SAMD5: variants seen among roughly 807,000 people sequenced by gnomAD.
SAMD5 encodes sterile alpha motif domain-containing protein 5.
A neutral mutation model predicts 11.3 loss-of-function variants in SAMD5; 13 were observed. The ratio of observed to expected loss-of-function variants is 1.15; its 90% CI spans 0.75 to 1.83. The LOEUF (loss-of-function observed/expected upper bound fraction) is 1.83. Ranked by LOEUF, SAMD5 falls within the 40% of genes most tolerant of loss-of-function variation. The pLI is 0.00. For missense variants in SAMD5, 255 were observed against 239.1 expected, an observed-to-expected ratio of 1.07 and a Z score of -0.44; for synonymous variants, 129 against 111.3, an observed-to-expected ratio of 1.16 and a Z score of -1.00.
the SAMD5 span, among the ~76,000 whole-genome samples, chr6:147,951,328 C>T: frequency 7.9e-5 from 12 of 151,984 alleles, no homozygotes; most frequent in Admixed American, 1.3e-4. Context: ...ACTACAGGAG[C>T]CCACCAACAC....
chr6:147,610,952 C>A (rs1313143223), intron 1 of SAMD5, among the ~76,000 whole-genome samples: 1 of 151,666 alleles, frequency 6.6e-6, no homozygotes, highest in East Asian at 1.9e-4. Flanking sequence ...TTACTGCAAC[C>A]TCCGCCTCCC....
the SAMD5 span, among the ~76,000 whole-genome samples, chr6:147,748,222 C>G: frequency 6.6e-6 from 1 of 152,190 alleles, no homozygotes. Context: ...AAAGATGTCC[C>G]TTACTCAAGG....
intron 1 of SAMD5, among the ~76,000 whole-genome samples, chr6:147,518,424 A>C (rs1382210878): frequency 6.6e-6 from 1 of 152,222 alleles, no homozygotes. Flanking sequence ...ATGAAAAATA[A>C]GGTAGAAATA....
the SAMD5 span, among the ~76,000 whole-genome samples, chr6:147,830,251 C>CTTTTTTTTTT: frequency 6.8e-4 from 58 of 84,928 alleles, 1 homozygote; most frequent in African/African-American, 8.9e-4. Flanking sequence ...TTCTTTCTTT[C>CTTTTTTTTTT]TTTTTTTTTT....
the SAMD5 span, among the ~76,000 whole-genome samples, chr6:147,886,214 AC>A: frequency 6.6e-6 from 1 of 152,162 alleles, no homozygotes; most frequent in Non-Finnish European, 1.5e-5. Context: ...TTCAATCTAT[AC>A]ACTCAGCTCT....
At chr6:147,603,302 C>G (rs561906272) in intron 1 of SAMD5, among the ~76,000 whole-genome samples, 2 of 152,208 alleles carry the variant, frequency 1.3e-5, no homozygotes, top group East Asian at 3.9e-4. Flanking sequence ...ATTTTCAGTG[C>G]CCTATACAAT....
chr6:147,913,682 C>T, the SAMD5 span, among the ~76,000 whole-genome samples: 10 of 152,072 alleles, frequency 6.6e-5, no homozygotes, highest in African/African-American at 9.6e-5. Flanking sequence ...GGTGACAGAG[C>T]GAGACTCTGT....
At chr6:147,877,888 T>C in the SAMD5 span, among the ~76,000 whole-genome samples, 413 of 42,986 alleles carry the variant, frequency 9.6e-3, no homozygotes, top group African/African-American at 0.027. Context: ...ACACGATAGA[T>C]AGATAGCTAG....
rs184732626 is a variant in SAMD5 at position 147,577,101 on chromosome 6, C to A, written c.162+67714C>A. Among the ~76,000 whole-genome samples, 774 of 152,324 alleles carry A rather than the reference C, an allele frequency of 5.1e-3. 4 individuals are homozygous for A. The highest frequency in any genetic ancestry group is 0.012 in the Admixed American group (181 of 15,304). On this transcript the variant is annotated intron_variant, in intron 1 of 1. Coordinates refer to the SAMD5 transcript ENST00000566741. Reference sequence around the variant, plus strand: ...AATGCCCAGGATTTCCTACTGCCTGCAAATCTTCTCCTTCATGCCTAAATT... The same window carrying A: ...AATGCCCAGGATTTCCTACTGCCTGAAAATCTTCTCCTTCATGCCTAAATT...
the SAMD5 span, among the ~76,000 whole-genome samples, chr6:147,827,219 C>G: frequency 1.3e-5 from 2 of 152,084 alleles, no homozygotes; most frequent in Non-Finnish European, 2.9e-5. Flanking sequence ...TGAGGTCAGG[C>G]TTCTGCCAGC....
At chr6:147,826,963 T>C in the SAMD5 span, among the ~76,000 whole-genome samples, 16 of 152,144 alleles carry the variant, frequency 1.1e-4, no homozygotes, top group Admixed American at 5.2e-4. Flanking sequence ...ATGGGTACTA[T>C]TATGAATGTC....
the SAMD5 span, among the ~76,000 whole-genome samples, chr6:147,783,459 T>C: frequency 6.8e-3 from 1,034 of 152,024 alleles, 12 homozygotes; most frequent in African/African-American, 0.024. Flanking sequence ...AGTGGCACAA[T>C]CTCGGCTAAC....
At chr6:147,814,679 G>A in the SAMD5 span, among the ~76,000 whole-genome samples, 2 of 152,118 alleles carry the variant, frequency 1.3e-5, no homozygotes, top group South Asian at 2.1e-4. Context: ...GGCACTAGGG[G>A]CCCACTTCTC....
chr6:147,848,002 C>T, the SAMD5 span, among the ~76,000 whole-genome samples: 5 of 152,164 alleles, frequency 3.3e-5, no homozygotes, highest in Non-Finnish European at 5.9e-5. Flanking sequence ...AGCCTGATCC[C>T]TTTAGTATCC....
intron 1 of SAMD5, among the ~76,000 whole-genome samples, chr6:147,617,644 G>C (rs1019911901): frequency 6.6e-6 from 1 of 152,214 alleles, no homozygotes; most frequent in African/African-American, 2.4e-5. Context: ...GGTTACATTA[G>C]CTTATGGGGG....
At chr6:147,797,903 C>T in the SAMD5 span, among the ~76,000 whole-genome samples, 5 of 150,950 alleles carry the variant, frequency 3.3e-5, no homozygotes, top group Non-Finnish European at 5.9e-5. Context: ...TCTGTGGGAT[C>T]GGTGGTGATA....
chr6:147,841,408 T>A, the SAMD5 span, among the ~76,000 whole-genome samples: 1 of 152,140 alleles, frequency 6.6e-6, no homozygotes, highest in Admixed American at 6.6e-5. Context: ...GTTGTTTTAT[T>A]TGGGATTCAA....
chr6:147,688,100 A>G (rs1791044765), intron 1 of SAMD5, among the ~76,000 whole-genome samples: 1 of 150,076 alleles, frequency 6.7e-6, no homozygotes. Context: ...TCTCTTTTTT[A>G]TGTCATTTTT....
At chr6:147,789,450 T>G in the SAMD5 span, among the ~76,000 whole-genome samples, 12 of 152,066 alleles carry the variant, frequency 7.9e-5, no homozygotes, top group Non-Finnish European at 1.5e-4. Context: ...TGAGAGTTAT[T>G]TTTTAGGAGG....
Sources: gnomAD v4.1 joint callset for allele counts (sites outside exome capture counted in the v4.1 genomes callset) on GRCh38, gnomAD v4.1.1 for gene constraint, MANE v1.5 for transcripts, NCBI Gene and HGNC (gene_info 2026-07-23, HGNC 2026-07-21) for gene names.